PLEKHA7: variants seen among roughly 807,000 people sequenced by gnomAD.
PLEKHA7 encodes pleckstrin homology domain-containing family A member 7.
A neutral mutation model predicts 170.0 loss-of-function variants in PLEKHA7; 104 were observed. The ratio of observed to expected loss-of-function variants is 0.61; its 90% CI spans 0.52 to 0.72. The LOEUF is 0.72. Ranked by LOEUF, PLEKHA7 falls within the 30% of genes least tolerant of loss-of-function variation. PLEKHA7 has a pLI of 0.00. For missense variants in PLEKHA7, 1,615 were observed against 1,671.7 expected (o/e 0.97, Z 0.59); for synonymous variants, 648 against 660.8 (o/e 0.98, Z 0.30).
chr11:16,845,665 C>A (rs1412128958), intron 8 of PLEKHA7, among the ~76,000 whole-genome samples: 2 of 152,172 alleles, frequency 1.3e-5, no homozygotes, highest in South Asian at 4.1e-4. Flanking sequence ...CTGCACCCAG[C>A]CTTATTAAAG....
intron 3 of PLEKHA7, among the ~76,000 whole-genome samples, chr11:16,995,982 C>T (rs1206499494): frequency 2.0e-5 from 3 of 152,206 alleles, no homozygotes; most frequent in Non-Finnish European, 4.4e-5. Flanking sequence ...CACAGGTACG[C>T]TCTGTGTATA....
intron 9 of PLEKHA7, among the ~76,000 whole-genome samples, chr11:16,836,380 T>TTA (rs1483274138): frequency 6.6e-6 from 1 of 152,228 alleles, no homozygotes; most frequent in African/African-American, 2.4e-5. Flanking sequence ...ATTCCCTCCT[T>TTA]TTAAAGGTAA....
rs368652150 is a variant in PLEKHA7 at position 16,855,732 on chromosome 11, A to T, written c.417+71T>A. The T allele has an allele frequency of 3.0e-5, 34 of 1,119,878 alleles. No homozygotes were observed. In the East Asian group the frequency reaches 4.2e-4, roughly 14 times the overall value. 69.4% of individuals were successfully genotyped at this position (1,119,878 alleles called of 1,614,324 possible). On this transcript the variant is annotated intron_variant, in intron 5 of 26. Coordinates refer to ENST00000531066, the MANE Select transcript of PLEKHA7 (RefSeq NM_001329630.2). ...CAAAACTATAGTGAAGATCAAATGG[A>T]CTTCTGGTTACAAAGGGGCTTGGCA...
At chr11:16,780,976 G>A (rs921731125) in intron 26 of PLEKHA7, 32 of 985,910 alleles carry the variant, frequency 3.2e-5, no homozygotes, top group African/African-American at 8.7e-5. Flanking sequence ...AGTGGAGTCC[G>A]TTGGTAAAAG....
At chr11:16,933,063 G>A (rs1423056514) in intron 3 of PLEKHA7, among the ~76,000 whole-genome samples, 1 of 152,238 alleles carries the variant, frequency 6.6e-6, no homozygotes, top group Non-Finnish European at 1.5e-5. Flanking sequence ...AAAGATTTCT[G>A]TATCTTCTAT....
chr11:16,793,390 C>T (rs1016468696), intron 19 of PLEKHA7, among the ~76,000 whole-genome samples: 1 of 152,240 alleles, frequency 6.6e-6, no homozygotes, highest in Non-Finnish European at 1.5e-5. Context: ...CTGAAATCCA[C>T]AGTGACTCTC....
At chr11:17,012,657 G>A (rs954740307) in intron 3 of PLEKHA7, among the ~76,000 whole-genome samples, 6 of 152,226 alleles carry the variant, frequency 3.9e-5, no homozygotes, top group African/African-American at 1.4e-4. Context: ...AGCTCCATGA[G>A]CACCTAGAAC....
chr11:16,795,323 T>G (rs1298734370), intron 17 of PLEKHA7: 1 of 293,506 alleles, frequency 3.4e-6, no homozygotes, highest in African/African-American at 2.3e-5. Flanking sequence ...ATACTTAGAG[T>G]AGTCAATTTC....
chr11:16,999,246 A>G (rs1018178337), intron 3 of PLEKHA7, among the ~76,000 whole-genome samples: 4 of 151,928 alleles, frequency 2.6e-5, no homozygotes, highest in African/African-American at 9.7e-5. Context: ...ACACAGAGGA[A>G]GCCTTCCCAC....
At chr11:16,846,244 G>A (rs1002168684) in intron 8 of PLEKHA7, among the ~76,000 whole-genome samples, 7 of 151,662 alleles carry the variant, frequency 4.6e-5, no homozygotes, top group Non-Finnish European at 7.4e-5. Flanking sequence ...GAGATCACGC[G>A]ACTACACTCC....
chr11:16,977,430 G>A (rs1331511414), intron 3 of PLEKHA7, among the ~76,000 whole-genome samples: 1 of 152,066 alleles, frequency 6.6e-6, no homozygotes, highest in Non-Finnish European at 1.5e-5. Flanking sequence ...TGCTAACTGT[G>A]CCTTTTCAGA....
At chr11:16,820,899 G>A (rs1410506083) in intron 10 of PLEKHA7, among the ~76,000 whole-genome samples, 1 of 152,184 alleles carries the variant, frequency 6.6e-6, no homozygotes, top group African/African-American at 2.4e-5. Flanking sequence ...GTCAAAACAA[G>A]GTAACTATGG....
At chr11:16,996,821 A>G (rs1864368419) in intron 3 of PLEKHA7, among the ~76,000 whole-genome samples, 1 of 152,138 alleles carries the variant, frequency 6.6e-6, no homozygotes, top group Non-Finnish European at 1.5e-5. Flanking sequence ...CTGTGGTCCC[A>G]GCTACTCAGG....
intron 3 of PLEKHA7, among the ~76,000 whole-genome samples, chr11:16,912,997 C>T (rs564265091): frequency 6.6e-6 from 1 of 152,282 alleles, no homozygotes; most frequent in African/African-American, 2.4e-5. Context: ...AAGCTGTCAG[C>T]TCTCAACAAT....
intron 3 of PLEKHA7, among the ~76,000 whole-genome samples, chr11:16,926,959 CTG>C (rs1324618801): frequency 6.6e-6 from 1 of 152,014 alleles, no homozygotes; most frequent in Admixed American, 6.6e-5. Flanking sequence ...CATCAATTTG[CTG>C]TGTGGCCATA....
At chr11:16,925,148 C>T (rs946894610) in intron 3 of PLEKHA7, among the ~76,000 whole-genome samples, 11 of 152,250 alleles carry the variant, frequency 7.2e-5, no homozygotes, top group African/African-American at 2.2e-4. Flanking sequence ...AGTTGCTGTC[C>T]CCGCAGCCCG....
At chr11:16,877,066 A>C (rs193230735) in intron 3 of PLEKHA7, among the ~76,000 whole-genome samples, 2 of 152,328 alleles carry the variant, frequency 1.3e-5, no homozygotes, top group Non-Finnish European at 2.9e-5. Flanking sequence ...AAATGTAAGA[A>C]AAGTATCTGG....
chr11:16,971,459 T>C (rs1862705798), intron 3 of PLEKHA7, among the ~76,000 whole-genome samples: 1 of 152,242 alleles, frequency 6.6e-6, no homozygotes, highest in African/African-American at 2.4e-5. Flanking sequence ...ATTTCTGAAA[T>C]ACAGATATTT....
At chr11:16,816,088 C>G in intron 12 of PLEKHA7, 90 bp downstream of exon 12, 1 of 1,089,186 alleles carries the variant, frequency 9.2e-7, no homozygotes, top group East Asian at 2.4e-5. Flanking sequence ...GGGTTAATAG[C>G]TGCCCTCTGG....
Sources: allele counts gnomAD v4.1 joint callset (sites outside exome capture counted in the v4.1 genomes callset), GRCh38; gene constraint gnomAD v4.1.1; transcripts MANE v1.5; gene names NCBI Gene and HGNC (gene_info 2026-07-23, HGNC 2026-07-21).